Variants in CD59 observed in about 807,000 individuals in gnomAD.
CD59 encodes CD59 glycoprotein.
CD59 carries 3 observed loss-of-function variants against 7.0 expected under a neutral mutation model. The ratio of observed to expected loss-of-function variants is 0.43; its 90% confidence interval spans 0.19 to 1.10. The LOEUF (loss-of-function observed/expected upper bound fraction) is 1.10. Among genes scored for constraint, CD59 ranks in the 50% least tolerant of loss-of-function variants. The pLI, the probability that CD59 is intolerant of heterozygous loss-of-function variation, is 0.29. For synonymous variants in CD59, 60 were observed against 62.0 expected, an observed-to-expected ratio of 0.97 and a Z score of 0.15; for missense variants, 143 against 151.0, an observed-to-expected ratio of 0.95 and a Z score of 0.28.
At position 33,725,186 on chromosome 11, in the gene CD59, A is replaced by G. The variant is rs12576440; in HGVS notation, c.-18-2723T>C. Among the ~76,000 whole-genome samples the G allele has an allele frequency of 3.1e-3, 476 of 152,158 alleles. 7 individuals are homozygous for G. In the East Asian group the frequency reaches 0.049, roughly 16 times the overall value. ...TATTACTTTTACAATCAGAAACATC[A>G]GGAAAATTCACACATGACAATGTTC... On this transcript the variant is annotated intron_variant, in intron 1 of 3. Coordinates refer to ENST00000642928, the MANE Select transcript of CD59 (RefSeq NM_000611.6).
intron 2 of CD59, among the ~76,000 whole-genome samples, chr11:33,721,828 G>A (rs1854078885): frequency 6.6e-6 from 1 of 152,188 alleles, no homozygotes; most frequent in African/African-American, 2.4e-5. Flanking sequence ...CTTGTTGCTT[G>A]TAAAACAAGG....
intron 1 of CD59, among the ~76,000 whole-genome samples, chr11:33,735,517 C>T (rs1854540044): frequency 6.6e-6 from 1 of 152,168 alleles, no homozygotes; most frequent in Non-Finnish European, 1.5e-5. Context: ...CTCACCGCTA[C>T]CTCAGCCTCC....
At position 33,703,576 on chromosome 11, in the gene CD59, T is replaced by G. The variant is rs1282299572; in HGVS notation, c.*6550A>C. 6.6e-6 allele frequency: 1 copy of G among 152,246 alleles called. No homozygotes were observed. Among genetic ancestry groups the G allele is most frequent in the Non-Finnish European group, 1.5e-5 (1 of 68,058 alleles). The allele number at this position is 152,246 out of a possible 1,614,324, so 9.4% of individuals were successfully genotyped here. A position where few individuals can be genotyped will look rare whatever the true frequency, so the allele number is the denominator to read the frequency against. On this transcript the variant is annotated 3_prime_UTR_variant, in exon 4 of 4. Coordinates refer to ENST00000642928, the MANE Select transcript of CD59 (RefSeq NM_000611.6). ...TCCCTCTTCGTTGATCAGGGTCAGT[T>G]GAAAGATGTAGCTGTCGGCCTGGTA...
intron 1 of CD59, among the ~76,000 whole-genome samples, chr11:33,729,200 T>TG (rs1173178124): frequency 6.6e-6 from 1 of 152,232 alleles, no homozygotes; most frequent in Non-Finnish European, 1.5e-5. Context: ...TAAAGACACA[T>TG]GCACACGTAT....
In CD59 at chr11:33,705,703, G is replaced by C. The variant is rs569715251; in HGVS notation, c.*4423C>G. On this transcript the variant is annotated 3_prime_UTR_variant, in exon 4 of 4. Transcript: ENST00000642928. The stretch of plus-strand genomic sequence containing the variant: ...TGCAGACGGCCTATTGTGCGACTTC[G>C]CCTTCTAACTGTGGGAGCCAGTTCT... 6.6e-6 allele frequency: 1 copy of C among 152,108 alleles called. No homozygotes were observed. Among genetic ancestry groups the C allele is most frequent in the African/African-American group, 2.4e-5 (1 of 41,390 alleles). 9.4% of individuals were successfully genotyped at this position (152,108 alleles called of 1,614,324 possible).
Position 33,703,872 on chromosome 11 carries a change from C to T in CD59, c.*6254G>A, listed in dbSNP as rs968471032. On this transcript the variant is annotated 3_prime_UTR_variant, in exon 4 of 4. Coordinates refer to ENST00000642928, the MANE Select transcript of CD59 (RefSeq NM_000611.6). ...CAGCATTCTTCACTCTCTATTTAAC[C>T]GAGGCTGACTCATTGCAGTTGGCAC... The T allele has an allele frequency of 3.9e-5, 6 of 152,332 alleles. No homozygotes were observed. Among genetic ancestry groups the T allele is most frequent in the Middle Eastern group, 3.4e-3 (1 of 294 alleles). 9.4% of individuals were successfully genotyped at this position (152,332 alleles called of 1,614,324 possible).
intron 1 of CD59, among the ~76,000 whole-genome samples, chr11:33,724,739 T>C (rs1181855980): frequency 6.6e-6 from 1 of 152,042 alleles, no homozygotes; most frequent in Non-Finnish European, 1.5e-5. Flanking sequence ...GCCCTCAGTT[T>C]TCTGGGATGG....
At chr11:33,717,797 G>T in intron 2 of CD59, 1 of 355,460 alleles carries the variant, frequency 2.8e-6, no homozygotes, top group Non-Finnish European at 5.4e-6. Context: ...GAAACAAACA[G>T]AATTCTATAA....
chr11:33,724,622 G>C (rs1854198049), intron 1 of CD59, among the ~76,000 whole-genome samples: 3 of 152,234 alleles, frequency 2.0e-5, no homozygotes, highest in South Asian at 2.1e-4. Context: ...GGAGTGTTGG[G>C]GGGTGAACGG....
intron 1 of CD59, among the ~76,000 whole-genome samples, chr11:33,732,949 A>G (rs1368920590): frequency 6.6e-6 from 1 of 152,230 alleles, no homozygotes; most frequent in African/African-American, 2.4e-5. Flanking sequence ...GGAAGAAGGT[A>G]GCAGAGTCTG....
chr11:33,717,251 C>T (rs1034157655), intron 3 of CD59, 119 bp downstream of exon 3: 17 of 712,482 alleles, frequency 2.4e-5, no homozygotes, highest in Admixed American at 1.2e-4. Flanking sequence ...ACACACCTGA[C>T]GCTAATAAAT....
intron 2 of CD59, among the ~76,000 whole-genome samples, chr11:33,720,810 C>T (rs986263406): frequency 3.9e-5 from 6 of 152,106 alleles, no homozygotes; most frequent in African/African-American, 1.4e-4. Context: ...CCAGGGTAGA[C>T]GAGGTTTCCC....
chr11:33,723,974 T>C (rs776097461), intron 1 of CD59, among the ~76,000 whole-genome samples: 2 of 152,086 alleles, frequency 1.3e-5, no homozygotes, highest in African/African-American at 2.4e-5. Context: ...ACTGGTGTGG[T>C]GGCACATAAC....
intron 1 of CD59, among the ~76,000 whole-genome samples, chr11:33,733,022 C>T (rs567708214): frequency 6.6e-6 from 1 of 152,142 alleles, no homozygotes; most frequent in African/African-American, 2.4e-5. Context: ...GATGAAGACA[C>T]GAAGGGTTCC....
intron 1 of CD59, chr11:33,731,297 TAC>T (rs934703671): frequency 1.1e-4 from 16 of 146,674 alleles, no homozygotes; most frequent in African/African-American, 3.5e-4. Context: ...ACATTATATA[TAC>T]ACACACAAAT....
chr11:33,710,862 C>T (rs1853519177), intron 3 of CD59, among the ~76,000 whole-genome samples: 1 of 151,228 alleles, frequency 6.6e-6, no homozygotes, highest in Non-Finnish European at 1.5e-5. Flanking sequence ...CCAGCCAAAG[C>T]TATGTATAAG....
chr11:33,704,520 T>C lies in CD59; in HGVS notation c.*5606A>G, dbSNP rs7943851. The C allele has an allele frequency of 4.2e-4, 64 of 152,256 alleles. No individual in the cohort carries two copies. The highest frequency in any genetic ancestry group is 1.4e-3 in the African/African-American group (60 of 41,542). 9.4% of individuals were successfully genotyped at this position (152,256 alleles called of 1,614,324 possible). A position where few individuals can be genotyped will look rare whatever the true frequency, so the allele number is the denominator to read the frequency against. ...CACCTGAGAAGCTGCTTCTACGACC[T>C]GCTGAGGACATAATGATAAACACAC... On this transcript the variant is annotated 3_prime_UTR_variant, in exon 4 of 4. Coordinates refer to ENST00000642928, the MANE Select transcript of CD59 (RefSeq NM_000611.6).
intron 2 of CD59, among the ~76,000 whole-genome samples, chr11:33,721,570 C>CAG (rs1446070318): frequency 6.6e-6 from 1 of 152,230 alleles, no homozygotes; most frequent in Non-Finnish European, 1.5e-5. Context: ...ATGACACAGG[C>CAG]AGACAACCAC....
At position 33,705,234 on chromosome 11, in the gene CD59, G is replaced by A. The variant is rs1172705190; in HGVS notation, c.*4892C>T. The stretch of plus-strand genomic sequence containing the variant: ...TGTGCGTTCTCATGTTATCCTGACA[G>A]TAACACTTATAGGGTAGGTCTGTCA... On this transcript the variant is annotated 3_prime_UTR_variant, in exon 4 of 4. Transcript: ENST00000642928. The A allele has an allele frequency of 6.6e-6, 1 of 152,210 alleles. No individual in the cohort carries two copies. The highest frequency in any genetic ancestry group is 1.5e-5 in the Non-Finnish European group (1 of 68,058). 9.4% of individuals were successfully genotyped at this position (152,210 alleles called of 1,614,324 possible).
Sources: gnomAD v4.1 joint callset for allele counts (sites outside exome capture counted in the v4.1 genomes callset) on GRCh38, gnomAD v4.1.1 for gene constraint, MANE v1.5 for transcripts, NCBI Gene and HGNC (gene_info 2026-07-23, HGNC 2026-07-21) for gene names.